The following ITGB1BP1 variants were observed in gnomAD, a reference collection of about 807,000 sequenced individuals.
ITGB1BP1 encodes the protein integrin subunit beta 1 binding protein 1.
In ITGB1BP1, 20 loss-of-function variants were observed where a neutral mutation model predicts 28.0. The observed-to-expected ratio is 0.71, with a 90% CI of 0.50 to 1.04. The LOEUF is 1.04. Among genes scored for constraint, ITGB1BP1 ranks in the 50% least tolerant of loss-of-function variants. The pLI, the probability that ITGB1BP1 is intolerant of heterozygous loss-of-function variation, is 0.00. For missense variants in ITGB1BP1, 228 were observed against 242.5 expected (o/e 0.94, Z 0.40); for synonymous variants, 103 against 89.5 (o/e 1.15, Z -0.85).
intron 2 of ITGB1BP1, among the ~76,000 whole-genome samples, chr2:9,414,609 C>A (rs1418252741): frequency 6.6e-6 from 1 of 152,228 alleles, no homozygotes; most frequent in African/African-American, 2.4e-5. Context: ...ATGAGTTCCA[C>A]TGAACCCAAA....
chr2:9,417,386 G>C (rs377705368), intron 2 of ITGB1BP1, among the ~76,000 whole-genome samples: 1 of 151,438 alleles, frequency 6.6e-6, no homozygotes, highest in African/African-American at 2.4e-5. Flanking sequence ...GCCTTTTCTC[G>C]GGAGGAGGGG....
chr2:9,422,866 A>T (rs930318642), intron 1 of ITGB1BP1: 2 of 985,764 alleles, frequency 2.0e-6, no homozygotes, highest in African/African-American at 3.5e-5. Flanking sequence ...AGAGTCAGTG[A>T]CCTGCCCAGG....
intron 1 of ITGB1BP1, chr2:9,422,341 A>G (rs1317338422): frequency 2.1e-6 from 2 of 935,072 alleles, no homozygotes; most frequent in South Asian, 4.9e-5. Context: ...TTCCACTTCC[A>G]TCCTCCACAA....
At chr2:9,408,068 CCT>C (rs924439812) in intron 5 of ITGB1BP1, 43 bp downstream of exon 5, 2 of 1,068,776 alleles carry the variant, frequency 1.9e-6, no homozygotes, top group Non-Finnish European at 1.4e-6. Context: ...GCCTGAATTC[CCT>C]GTTATCTAAA....
Position 9,406,780 on chromosome 2 carries a change from G to T in ITGB1BP1, c.*54C>A. On this transcript the variant is annotated 3_prime_UTR_variant, in exon 7 of 7. Coordinates refer to ENST00000355346, the MANE Select transcript of ITGB1BP1 (RefSeq NM_004763.5). ...ATTTGCATAACATTTCAGCATTGCA[G>T]TTTGAAAACAGCTGAACTTTCAGAT... 2 of 1,227,288 alleles carry T rather than the reference G, an allele frequency of 1.6e-6. No homozygotes were observed. Among genetic ancestry groups the T allele is most frequent in the Non-Finnish European group, 2.4e-6 (2 of 826,782 alleles). The allele number at this position is 1,227,288 out of a possible 1,614,324, so 76.0% of individuals were successfully genotyped here. A position where few individuals can be genotyped will look rare whatever the true frequency, so the allele number is the denominator to read the frequency against.
rs758324503 is a variant in ITGB1BP1, at chr2:9,405,600, A to G, written c.*1234T>C. On this transcript the variant is annotated 3_prime_UTR_variant, in exon 7 of 7. Coordinates refer to ENST00000355346, the MANE Select transcript of ITGB1BP1 (RefSeq NM_004763.5). Reference sequence around the variant, plus strand: ...ATTGTCCTTAATGCAGTGATTTATAATTAGAGCATGTTTAATAAGTTTACT... The same window carrying G: ...ATTGTCCTTAATGCAGTGATTTATAGTTAGAGCATGTTTAATAAGTTTACT... 1 of 152,654 alleles carries G rather than the reference A, an allele frequency of 6.6e-6. No homozygotes were observed. 9.5% of individuals were successfully genotyped at this position (152,654 alleles called of 1,614,324 possible).
rs1401891952 is a variant in ITGB1BP1, at chr2:9,407,937, G to C, written c.381+176C>G. On this transcript the variant is annotated intron_variant, in intron 5 of 6. Transcript: ENST00000355346. ...GCATGGGCCCTTCCAACACAGGAGA[G>C]AAAAGGAAGCCCCTATTCACCTTAA... The C allele has an allele frequency of 5.1e-6, 3 of 589,326 alleles. No homozygotes were observed. In the African/African-American group the frequency reaches 5.6e-5, roughly 11 times the overall value. 36.5% of individuals were successfully genotyped at this position (589,326 alleles called of 1,614,324 possible). A position where few individuals can be genotyped will look rare whatever the true frequency, so the allele number is the denominator to read the frequency against.
rs1225055679 is a variant in ITGB1BP1 at position 9,404,579 on chromosome 2, T to A, written c.*2255A>T. 2 of 152,500 alleles carry A rather than the reference T, an allele frequency of 1.3e-5. No homozygotes were observed. The allele number at this position is 152,500 out of a possible 1,614,324, so 9.4% of individuals were successfully genotyped here. A position where few individuals can be genotyped will look rare whatever the true frequency, so the allele number is the denominator to read the frequency against. ...ATTGGAAATTTTGGCACTCTGAGAATAAATAGGCATATGATACCCACTTGG... is the reference window on the plus strand; with the variant it reads ...ATTGGAAATTTTGGCACTCTGAGAAAAAATAGGCATATGATACCCACTTGG... On this transcript the variant is annotated 3_prime_UTR_variant, in exon 7 of 7. Coordinates refer to ENST00000355346, the MANE Select transcript of ITGB1BP1 (RefSeq NM_004763.5).
In ITGB1BP1 at chr2:9,412,367, G is replaced by A. The variant is rs746882210; in HGVS notation, c.190C>T (p.Arg64Ter). 9 of 1,611,762 alleles carry A rather than the reference G, an allele frequency of 5.6e-6. No individual in the cohort carries two copies. The East Asian group carries it at 6.7e-5, about 12-fold the overall frequency. Residue 64 changes from arginine to a stop codon, truncating the protein, a stop_gained, in exon 4 of 7, where the codon CGA becomes TGA. Transcript: ENST00000355346. LOFTEE classifies it high-confidence loss of function. The stretch of plus-strand genomic sequence containing the variant: ...TCAATGGCACCAACATATTTTATTC[G>A]AAATTCTGCACAGGTATCTGAATTA... ...NNNSDTCAEF[R>*]IKYVGAIEKL...
chr2:9,412,362 T>C lies in ITGB1BP1; in HGVS notation c.195A>G (p.Ile65Met). ...NNSDTCAEFR[I>M]KYVGAIEKLK... ...GTTTCTCAATGGCACCAACATATTT[T>C]ATTCGAAATTCTGCACAGGTATCTG... Residue 65 changes from isoleucine (I) to methionine (M), a missense_variant, in exon 4 of 7, where the codon ATA becomes ATG. Ile to Met is a conservative substitution (Grantham distance 10). Coordinates refer to ENST00000355346, the MANE Select transcript of ITGB1BP1 (RefSeq NM_004763.5). The C allele has an allele frequency of 1.2e-6, 2 of 1,611,972 alleles. No homozygotes were observed. Among genetic ancestry groups the C allele is most frequent in the Non-Finnish European group, 1.7e-6 (2 of 1,179,180 alleles).
intron 1 of ITGB1BP1, among the ~76,000 whole-genome samples, chr2:9,418,969 G>C (rs1679481719): frequency 1.3e-5 from 2 of 152,174 alleles, no homozygotes; most frequent in South Asian, 4.1e-4. Flanking sequence ...GGCCAGGCTG[G>C]TCTCAAACTC....
At chr2:9,413,909 C>T (rs1314414548) in intron 3 of ITGB1BP1, among the ~76,000 whole-genome samples, 1 of 152,054 alleles carries the variant, frequency 6.6e-6, no homozygotes, top group Non-Finnish European at 1.5e-5. Context: ...GTATTTATTG[C>T]CACCCCATTT....
intron 4 of ITGB1BP1, among the ~76,000 whole-genome samples, chr2:9,409,203 A>G (rs115223551): frequency 1.8e-3 from 279 of 152,326 alleles, no homozygotes; most frequent in African/African-American, 6.4e-3. Flanking sequence ...TCCCTAACGT[A>G]AGACGCTGTT....
At position 9,418,776 on chromosome 2, in the gene ITGB1BP1, CTTTTTT is replaced by C. The variant is rs35904811; in HGVS notation, c.-35-50_-35-45del. On this transcript the variant is annotated intron_variant, in intron 1 of 6. Coordinates refer to ENST00000355346, the MANE Select transcript of ITGB1BP1 (RefSeq NM_004763.5). ...GTAACAGTTACATCGGGAAAAGCAA[CTTTTTT>C]TTTTTTTTTTTTAAGAGACAGAGTC... The C allele has an allele frequency of 1.0e-5, 10 of 952,392 alleles. No individual in the cohort carries two copies. The African/African-American group carries it at 1.4e-4, about 13-fold the overall frequency. The allele number at this position is 952,392 out of a possible 1,614,324, so 59.0% of individuals were successfully genotyped here. A position where few individuals can be genotyped will look rare whatever the true frequency, so the allele number is the denominator to read the frequency against.
chr2:9,421,813 G>C (rs953077963), intron 1 of ITGB1BP1, among the ~76,000 whole-genome samples: 3 of 151,998 alleles, frequency 2.0e-5, no homozygotes, highest in African/African-American at 4.8e-5. Flanking sequence ...CTCCCCTCCA[G>C]ATCTGCTCCT....
chr2:9,408,239 T>C, intron 4 of ITGB1BP1, 34 bp from the exon 5 acceptor site: 1 of 1,244,560 alleles, frequency 8.0e-7, no homozygotes, highest in Non-Finnish European at 1.2e-6. Flanking sequence ...TGATAAAGAT[T>C]AAAATTACAT....
chr2:9,406,703 T>C lies in ITGB1BP1; in HGVS notation c.*131A>G. ...CATTTTAATAAACAAATGATCAGCATTTTACACAATCCATTTTCTTCAGAA... is the reference window on the plus strand; with the variant it reads ...CATTTTAATAAACAAATGATCAGCACTTTACACAATCCATTTTCTTCAGAA... On this transcript the variant is annotated 3_prime_UTR_variant, in exon 7 of 7. Coordinates refer to ENST00000355346, the MANE Select transcript of ITGB1BP1 (RefSeq NM_004763.5). The C allele has an allele frequency of 1.4e-6, 1 of 699,414 alleles. No homozygotes were observed. The highest frequency in any genetic ancestry group is 2.6e-6 in the Non-Finnish European group (1 of 384,010). The allele number at this position is 699,414 out of a possible 1,614,324, so 43.3% of individuals were successfully genotyped here. A position where few individuals can be genotyped will look rare whatever the true frequency, so the allele number is the denominator to read the frequency against.
At chr2:9,416,891 G>A (rs1014084616) in intron 2 of ITGB1BP1, among the ~76,000 whole-genome samples, 4 of 152,010 alleles carry the variant, frequency 2.6e-5, no homozygotes, top group Non-Finnish European at 5.9e-5. Flanking sequence ...GTATGTTAAG[G>A]GTTTAAGCTT....
intron 5 of ITGB1BP1, 32 bp from the exon 6 acceptor site, chr2:9,407,630 A>G (rs370443483): frequency 3.7e-6 from 6 of 1,612,286 alleles, no homozygotes; most frequent in Non-Finnish European, 5.1e-6. Context: ...CCGAGAGATC[A>G]GGACTCTCAA....
Sources: allele counts gnomAD v4.1 joint callset (sites outside exome capture counted in the v4.1 genomes callset), GRCh38; gene constraint gnomAD v4.1.1; transcripts MANE v1.5; gene names NCBI Gene and HGNC (gene_info 2026-07-23, HGNC 2026-07-21).